The following NRP2 variants were observed in gnomAD, a reference collection of about 807,000 sequenced individuals.
The protein encoded by NRP2 is neuropilin-2.
In NRP2, 52 loss-of-function variants were observed where a neutral mutation model predicts 110.4. The ratio of observed to expected loss-of-function variants is 0.47; its 90% CI spans 0.38 to 0.59. The LOEUF is 0.59. Ranked by LOEUF, NRP2 falls within the 20% of genes least tolerant of loss-of-function variation. The pLI, the probability that NRP2 is intolerant of heterozygous loss-of-function variation, is 0.00. For missense variants in NRP2, 1,049 were observed against 1,203.0 expected, an observed-to-expected ratio of 0.87 and a Z score of 1.89; for synonymous variants, 508 against 468.9, an observed-to-expected ratio of 1.08 and a Z score of -1.08.
rs749935996 is a variant in NRP2 at position 205,752,814 on chromosome 2, GTTA to G, written c.1904-18_1904-16del. ...ACCCATTTCATTTGCCTTCCTTTGG[GTTA>G]TTGTTTTCCCCTTTTAGACAAAGAT... On this transcript the variant is annotated intron_variant, in intron 11 of 16. Transcript: ENST00000357785. The G allele has an allele frequency of 6.8e-6, 11 of 1,613,750 alleles. No homozygotes were observed. The highest frequency in any genetic ancestry group is 9.3e-6 in the Non-Finnish European group (11 of 1,179,840).
intron 7 of NRP2, among the ~76,000 whole-genome samples, chr2:205,728,826 A>G (rs2057180820): frequency 6.6e-6 from 1 of 152,238 alleles, no homozygotes. Flanking sequence ...GGATTGGGGT[A>G]TCTGTGATGG....
At chr2:205,703,265 G>A (rs1241765512) in intron 2 of NRP2, among the ~76,000 whole-genome samples, 1 of 152,174 alleles carries the variant, frequency 6.6e-6, no homozygotes, top group African/African-American at 2.4e-5. Flanking sequence ...TAACTGATTT[G>A]GGACATGAGT....
intron 15 of NRP2, among the ~76,000 whole-genome samples, chr2:205,773,797 GAA>G (rs1368419825): frequency 6.6e-6 from 1 of 152,228 alleles, no homozygotes; most frequent in Non-Finnish European, 1.5e-5. Context: ...TTGGCTGAAG[GAA>G]AGCAGACTTT....
chr2:205,722,145 C>CAT, intron 3 of NRP2: 2 of 220,588 alleles, frequency 9.1e-6, no homozygotes, highest in Non-Finnish European at 1.8e-5. Context: ...CAAGAGAATC[C>CAT]CTCTCTCTCT....
At chr2:205,687,799 A>T (rs184952931) in intron 1 of NRP2, among the ~76,000 whole-genome samples, 1 of 152,326 alleles carries the variant, frequency 6.6e-6, no homozygotes, top group African/African-American at 2.4e-5. Flanking sequence ...CAGAAAGGCC[A>T]GTTCCTATCT....
intron 1 of NRP2, among the ~76,000 whole-genome samples, chr2:205,695,795 G>A (rs974810290): frequency 1.3e-5 from 2 of 152,112 alleles, no homozygotes; most frequent in African/African-American, 4.8e-5. Flanking sequence ...CAGGACCAAC[G>A]GGCCTCAATT....
At chr2:205,695,913 G>C (rs1559307850) in intron 1 of NRP2, among the ~76,000 whole-genome samples, 2 of 152,210 alleles carry the variant, frequency 1.3e-5, no homozygotes, top group African/African-American at 2.4e-5. Flanking sequence ...CTGGCCTCAT[G>C]TGGTCTGGGT....
At chr2:205,727,684 A>G (rs2105826144) in intron 6 of NRP2, among the ~76,000 whole-genome samples, 1 of 152,320 alleles carries the variant, frequency 6.6e-6, no homozygotes, top group East Asian at 1.9e-4. Context: ...AAAATAACCT[A>G]ACTTTTCAAG....
chr2:205,771,223 G>A (rs548195407), intron 15 of NRP2, among the ~76,000 whole-genome samples: 5 of 152,216 alleles, frequency 3.3e-5, no homozygotes, highest in East Asian at 3.9e-4. Flanking sequence ...GGCGCCTCCC[G>A]CCACACCATG....
At chr2:205,707,963 C>T (rs1489559432) in intron 2 of NRP2, among the ~76,000 whole-genome samples, 1 of 152,210 alleles carries the variant, frequency 6.6e-6, no homozygotes, top group Non-Finnish European at 1.5e-5. Context: ...TCAAATGAGG[C>T]CAACTGAGGC....
rs569613050 is a variant in NRP2 at position 205,759,202 on chromosome 2, G to A, written c.2045-4472G>A. Among the ~76,000 whole-genome samples the A allele has an allele frequency of 4.6e-5, 7 of 152,292 alleles. No individual in the cohort carries two copies. In the East Asian group the frequency reaches 1.3e-3, roughly 29 times the overall value. On this transcript the variant is annotated intron_variant, in intron 12 of 16. Transcript: ENST00000357785. ...GCCCTAGGAAGTAGACATTTGAAGG[G>A]GCAAGGGTTCCTAGGGAAGCAAAGA...
intron 2 of NRP2, among the ~76,000 whole-genome samples, chr2:205,709,252 G>A (rs947891658): frequency 6.6e-6 from 1 of 152,220 alleles, no homozygotes; most frequent in Non-Finnish European, 1.5e-5. Context: ...GCAGGGTATT[G>A]AGACTGCCTC....
In NRP2 at chr2:205,711,140, C is replaced by T. The variant is rs114233876; in HGVS notation, c.252-5053C>T. 4.5e-3 allele frequency among the ~76,000 whole-genome samples: 687 copies of T among 152,282 alleles called. 1 individual carries two copies. The highest frequency in any genetic ancestry group is 0.016 in the African/African-American group (653 of 41,554). ...CTCCACGGAAAGCATCATCGTAGCA[C>T]GCATTCTTCTCAACATGGAACACCA... is the stretch of plus-strand genomic sequence containing the variant. On this transcript the variant is annotated intron_variant, in intron 2 of 16. Transcript: ENST00000357785.
chr2:205,777,839 C>T (rs896255132), intron 15 of NRP2: 3 of 152,070 alleles, frequency 2.0e-5, no homozygotes, highest in African/African-American at 7.2e-5. Flanking sequence ...TATGTGCTGC[C>T]CCTTAAAACA....
chr2:205,683,533 C>T (rs139857640), intron 1 of NRP2, among the ~76,000 whole-genome samples, 170 bp downstream of exon 1: 1 of 148,662 alleles, frequency 6.7e-6, no homozygotes, highest in Non-Finnish European at 1.5e-5. Flanking sequence ...CTGCTAAAAC[C>T]CAACTTTCCT....
In NRP2 at chr2:205,765,509, C is replaced by T. The variant is rs758235220; in HGVS notation, c.2343C>T (p.Ser781=). Residue 781 remains serine (S), a synonymous_variant, in exon 14 of 17, where the codon TCC becomes TCT. Transcript: ENST00000357785. ...AGGGAGTGATAGGGAAAGGACGTTC[C>T]GGAGAGATTGCCATTGATGACATTC... ...VFEGVIGKGR[S]GEIAIDDIRI... The T allele has an allele frequency of 6.0e-5, 97 of 1,613,904 alleles. No homozygotes were observed. The highest frequency in any genetic ancestry group is 3.3e-4 in the East Asian group (15 of 44,890).
chr2:205,704,139 G>C (rs1240237139), intron 2 of NRP2, among the ~76,000 whole-genome samples: 1 of 152,200 alleles, frequency 6.6e-6, no homozygotes, highest in East Asian at 1.9e-4. Flanking sequence ...GCCTGGGAAA[G>C]TCCAGGTAAC....
chr2:205,752,740 C>G (rs1177827000), intron 11 of NRP2, 95 bp from the exon 12 acceptor site: 2 of 1,349,634 alleles, frequency 1.5e-6, no homozygotes, highest in Non-Finnish European at 2.1e-6. Flanking sequence ...CTGCTCTCCA[C>G]TCAGGCCTTG....
chr2:205,720,540 T>C (rs967670930), intron 3 of NRP2, among the ~76,000 whole-genome samples: 1 of 152,204 alleles, frequency 6.6e-6, no homozygotes. Flanking sequence ...TAAGAGGGCA[T>C]GTCAGGATGC....
Sources: gnomAD v4.1 joint callset for allele counts (sites outside exome capture counted in the v4.1 genomes callset) on GRCh38, gnomAD v4.1.1 for gene constraint, MANE v1.5 for transcripts, NCBI Gene and HGNC (gene_info 2026-07-23, HGNC 2026-07-21) for gene names.